The following MAP3K7CL variants were observed in gnomAD, a reference collection of about 807,000 sequenced individuals.
MAP3K7CL encodes MAP3K7 C-terminal-like protein.
In MAP3K7CL, 16 loss-of-function variants were observed where a neutral mutation model predicts 18.6. The observed-to-expected ratio is 0.86, with a 90% confidence interval of 0.58 to 1.31. The LOEUF is 1.31. Ranked by LOEUF, MAP3K7CL falls within the 50% of genes most tolerant of loss-of-function variation. The probability of loss-of-function intolerance (pLI) is 0.00; values close to 1 mark genes in which losing one functional copy is unlikely to be tolerated. For missense variants in MAP3K7CL, 163 were observed against 174.4 expected, an observed-to-expected ratio of 0.93 and a Z score of 0.37; for synonymous variants, 65 against 66.8, an observed-to-expected ratio of 0.97 and a Z score of 0.13.
chr21:29,163,147 A>C (rs542539468), intron 4 of MAP3K7CL, among the ~76,000 whole-genome samples: 23 of 152,232 alleles, frequency 1.5e-4, no homozygotes, highest in African/African-American at 5.5e-4. Context: ...GGAAAAGTCA[A>C]CTTCTAGAAG....
At chr21:29,142,396 A>C (rs2087029907) in intron 2 of MAP3K7CL, among the ~76,000 whole-genome samples, 1 of 152,196 alleles carries the variant, frequency 6.6e-6, no homozygotes, top group South Asian at 2.1e-4. Flanking sequence ...ATTTAAATGA[A>C]GAGAGTAAAT....
intron 4 of MAP3K7CL, among the ~76,000 whole-genome samples, chr21:29,115,766 C>T (rs1312657701): frequency 6.6e-6 from 1 of 152,194 alleles, no homozygotes; most frequent in African/African-American, 2.4e-5. Flanking sequence ...AGTGTGGGAC[C>T]CCTCTGAGCA....
chr21:29,109,309 C>A lies in MAP3K7CL; in HGVS notation c.370+16728C>A, dbSNP rs1347746842. 6.1e-6 allele frequency: 9 copies of A among 1,465,252 alleles called. No individual in the cohort carries two copies. In the African/African-American group the frequency reaches 1.3e-4, roughly 21 times the overall value. The allele number at this position is 1,465,252 out of a possible 1,614,324, so 90.8% of individuals were successfully genotyped here. A position where few individuals can be genotyped will look rare whatever the true frequency, so the allele number is the denominator to read the frequency against. ...TTATTTTGTGCCCATTTAATTAATG[C>A]CATGATCACTATTCCTTCTAGTAAT... On this transcript the variant is annotated intron_variant, in intron 4 of 6. Transcript: ENST00000286791.
At chr21:29,169,000 G>A (rs2087758235) in intron 4 of MAP3K7CL, among the ~76,000 whole-genome samples, 1 of 152,130 alleles carries the variant, frequency 6.6e-6, no homozygotes, top group African/African-American at 2.4e-5. Context: ...TTTAGGTGGT[G>A]GTTCTTAATC....
intron 4 of MAP3K7CL, among the ~76,000 whole-genome samples, chr21:29,165,432 C>T (rs949720048): frequency 6.6e-6 from 1 of 152,136 alleles, no homozygotes; most frequent in Admixed American, 6.5e-5. Flanking sequence ...GTACACCTGT[C>T]ACCCAAGCAG....
At chr21:29,155,694 C>T (rs2146708941) in intron 3 of MAP3K7CL, among the ~76,000 whole-genome samples, 1 of 152,306 alleles carries the variant, frequency 6.6e-6, no homozygotes, top group East Asian at 1.9e-4. Context: ...CTCCTTCACG[C>T]TGCACTGCCA....
At chr21:29,162,215 TG>T (rs2087565736) in intron 4 of MAP3K7CL, among the ~76,000 whole-genome samples, 1 of 152,052 alleles carries the variant, frequency 6.6e-6, no homozygotes, top group Non-Finnish European at 1.5e-5. Flanking sequence ...TGTGGTGGTA[TG>T]ATAGAAAAAT....
At chr21:29,173,381 C>T (rs960088559) in intron 4 of MAP3K7CL, among the ~76,000 whole-genome samples, 6 of 152,158 alleles carry the variant, frequency 3.9e-5, no homozygotes, top group African/African-American at 4.8e-5. Context: ...ATGTTAGATG[C>T]GTTGGTTTAT....
Position 29,104,559 on chromosome 21 carries a change from C to A in MAP3K7CL, c.370+11978C>A, listed in dbSNP as rs906280318. 1.1e-4 allele frequency among the ~76,000 whole-genome samples: 16 copies of A among 152,312 alleles called. No homozygotes were observed. In the East Asian group the frequency reaches 1.7e-3, roughly 17 times the overall value. ...TACGCACATGCTGTGAATTTGAGAA[C>A]CTCCTTTGCCGAAGCCGGGAAAGCT... On this transcript the variant is annotated intron_variant, in intron 4 of 6. Transcript: ENST00000286791.
At chr21:29,100,554 C>T (rs139566022) in intron 4 of MAP3K7CL, among the ~76,000 whole-genome samples, 3 of 152,108 alleles carry the variant, frequency 2.0e-5, no homozygotes, top group African/African-American at 4.8e-5. Flanking sequence ...TCTGAGTCTC[C>T]GTTTTCTCTG....
chr21:29,080,697 G>A (rs981115456), intron 1 of MAP3K7CL: 8 of 152,072 alleles, frequency 5.3e-5, no homozygotes, highest in Admixed American at 6.5e-5. Context: ...CATTCGTAGT[G>A]TAGCCCCCAA....
intron 2 of MAP3K7CL, among the ~76,000 whole-genome samples, chr21:29,140,971 C>T (rs1381749876): frequency 2.0e-5 from 3 of 152,092 alleles, no homozygotes; most frequent in African/African-American, 7.2e-5. Flanking sequence ...GAGATGGCAT[C>T]TCACTATGTT....
At chr21:29,155,191 C>T (rs1266431948) in intron 3 of MAP3K7CL, among the ~76,000 whole-genome samples, 1 of 152,106 alleles carries the variant, frequency 6.6e-6, no homozygotes, top group Non-Finnish European at 1.5e-5. Context: ...ACAAACGATG[C>T]TTGTTAATTT....
At chr21:29,147,497 G>GTGTACTGTATATGCATC (rs1312285871) in intron 2 of MAP3K7CL, among the ~76,000 whole-genome samples, 3 of 151,708 alleles carry the variant, frequency 2.0e-5, no homozygotes, top group Non-Finnish European at 4.4e-5. Flanking sequence ...CTGTATACAT[G>GTGTACTGTATATGCATC]TGTACTGTAT....
At chr21:29,128,753 A>G (rs1274860002), upstream of MAP3K7CL, among the ~76,000 whole-genome samples, 1 of 152,210 alleles carries the variant, frequency 6.6e-6, no homozygotes, top group Non-Finnish European at 1.5e-5. Context: ...CAATTTGCTC[A>G]TCTGTCAAAT....
chr21:29,170,385 A>AT (rs1320290970), intron 4 of MAP3K7CL, among the ~76,000 whole-genome samples: 2 of 152,216 alleles, frequency 1.3e-5, no homozygotes, highest in African/African-American at 4.8e-5. Context: ...AAAATCTATG[A>AT]TTTTGTGATT....
At chr21:29,141,559 A>C (rs1481004526) in intron 2 of MAP3K7CL, among the ~76,000 whole-genome samples, 1 of 152,150 alleles carries the variant, frequency 6.6e-6, no homozygotes, top group East Asian at 1.9e-4. Context: ...AACTGAATCA[A>C]GTCTCTTTTT....
At chr21:29,083,872 A>G (rs1053400625), upstream of MAP3K7CL, among the ~76,000 whole-genome samples, 6 of 149,906 alleles carry the variant, frequency 4.0e-5, no homozygotes, top group African/African-American at 1.2e-4. Flanking sequence ...GTGTGTATGT[A>G]ATATATATAA....
chr21:29,110,227 A>G (rs1056234179), intron 4 of MAP3K7CL, among the ~76,000 whole-genome samples: 1 of 152,190 alleles, frequency 6.6e-6, no homozygotes, highest in Non-Finnish European at 1.5e-5. Context: ...ACATATATTC[A>G]TATTTCTTTG....
Sources: allele counts gnomAD v4.1 joint callset (sites outside exome capture counted in the v4.1 genomes callset), GRCh38; gene constraint gnomAD v4.1.1; transcripts MANE v1.5; gene names NCBI Gene and HGNC (gene_info 2026-07-23, HGNC 2026-07-21).